SLC24A2: variants seen among roughly 807,000 people sequenced by gnomAD.
SLC24A2 encodes solute carrier family 24 member 2.
A neutral mutation model predicts 62.0 loss-of-function variants in SLC24A2; 36 were observed. That is an observed-to-expected ratio of 0.58 (90% CI 0.44 to 0.77). The LOEUF (loss-of-function observed/expected upper bound fraction) is 0.77. Among genes scored for constraint, SLC24A2 ranks in the 30% least tolerant of loss-of-function variants. SLC24A2 has a pLI of 0.00. For synonymous variants in SLC24A2, 358 were observed against 294.0 expected, an observed-to-expected ratio of 1.22 and a Z score of -2.23; for missense variants, 846 against 817.9, an observed-to-expected ratio of 1.03 and a Z score of -0.42.
upstream of SLC24A2, among the ~76,000 whole-genome samples, chr9:19,791,748 T>C (rs1200734930): frequency 2.0e-5 from 3 of 152,226 alleles, no homozygotes; most frequent in African/African-American, 7.2e-5. Flanking sequence ...GGAGAAAATT[T>C]ACTACCATCA....
the SLC24A2 span, among the ~76,000 whole-genome samples, chr9:19,985,497 TATTTC>T: frequency 1.3e-5 from 2 of 152,210 alleles, no homozygotes; most frequent in Admixed American, 6.5e-5. Context: ...TGTACTATAT[TATTTC>T]ATTTATATGA....
the SLC24A2 span, among the ~76,000 whole-genome samples, chr9:19,856,689 G>T: frequency 6.6e-6 from 1 of 152,130 alleles, no homozygotes; most frequent in Non-Finnish European, 1.5e-5. Context: ...TCCCAGAGGG[G>T]CACTGACCTG....
At chr9:19,740,656 T>C (rs1036678701) in intron 2 of SLC24A2, among the ~76,000 whole-genome samples, 1 of 152,160 alleles carries the variant, frequency 6.6e-6, no homozygotes, top group Non-Finnish European at 1.5e-5. Context: ...TGAAAATTCA[T>C]TGAGCTGTAA....
intron 8 of SLC24A2, among the ~76,000 whole-genome samples, chr9:19,543,590 C>T (rs532652852): frequency 2.6e-5 from 4 of 152,152 alleles, no homozygotes; most frequent in Non-Finnish European, 5.9e-5. Context: ...TTTCCCTCTA[C>T]ACAGTGCTTT....
chr9:20,246,031 C>G, the SLC24A2 span, among the ~76,000 whole-genome samples: 2 of 152,200 alleles, frequency 1.3e-5, no homozygotes, highest in African/African-American at 2.4e-5. Flanking sequence ...GTATACTGTT[C>G]ACAGAGAAGG....
At chr9:19,560,914 TATAG>T (rs1199172609) in intron 7 of SLC24A2, among the ~76,000 whole-genome samples, 367 of 106,424 alleles carry the variant, frequency 3.4e-3, no homozygotes, top group Admixed American at 7.7e-3. Flanking sequence ...TATATATATA[TATAG>T]AGAGAGAGAG....
At chr9:19,743,027 G>A (rs928850999) in intron 2 of SLC24A2, among the ~76,000 whole-genome samples, 2 of 152,102 alleles carry the variant, frequency 1.3e-5, no homozygotes, top group Non-Finnish European at 2.9e-5. Flanking sequence ...TTTCGATGAC[G>A]GGCTTAGGAA....
Position 19,786,124 on chromosome 9 carries a change from T to A in SLC24A2, c.743A>T (p.Asp248Val). 1 of 1,614,166 alleles carries A rather than the reference T, an allele frequency of 6.2e-7. No individual in the cohort carries two copies. The highest frequency in any genetic ancestry group is 1.1e-5 in the South Asian group (1 of 91,076). The change falls in exon 2 of 11, where the codon GAC becomes GTC. Residue 248 changes from aspartate to valine, a missense_variant. Transcript: ENST00000341998. The surrounding 1 kb of genome is among the most constrained non-coding windows in gnomAD (Gnocchi z 5.0). ...GAAAAATATGATCAGCATGATCAAG[T>A]CAACAATGTAGAAAGACACATCTCG... Reference protein sequence around the residue: ...LFRDVSFYIVDLIMLIIFFLD... With the variant: ...LFRDVSFYIVVLIMLIIFFLD...
chr9:19,550,186 A>T lies in SLC24A2; in HGVS notation c.1430T>A (p.Phe477Tyr), dbSNP rs577897150. The T allele has an allele frequency of 1.2e-6, 2 of 1,614,176 alleles. No individual in the cohort carries two copies. Among genetic ancestry groups the T allele is most frequent in the Non-Finnish European group, 1.7e-6 (2 of 1,179,990 alleles). The stretch of plus-strand genomic sequence containing the variant: ...AATCCAGAGAGGAAACACTATGGGG[A>T]AAACAATCAGAAACGTGACTTGCTT... ...TRKQVTFLIV[F>Y]PIVFPLWITL... Residue 477 changes from phenylalanine (F) to tyrosine (Y), a missense_variant, in exon 8 of 11, where the codon TTC becomes TAC. Transcript: ENST00000341998.
the SLC24A2 span, among the ~76,000 whole-genome samples, chr9:20,264,749 C>T: frequency 6.6e-6 from 1 of 152,166 alleles, no homozygotes; most frequent in African/African-American, 2.4e-5. Context: ...TTTCCTGACG[C>T]TAAACTTTTT....
chr9:19,627,323 G>C (rs1482865456), intron 2 of SLC24A2, among the ~76,000 whole-genome samples: 1 of 152,208 alleles, frequency 6.6e-6, no homozygotes, highest in African/African-American at 2.4e-5. Flanking sequence ...AAATATTTGA[G>C]ATAGTAGAAA....
the SLC24A2 span, among the ~76,000 whole-genome samples, chr9:19,961,306 C>A: frequency 6.6e-6 from 1 of 152,048 alleles, no homozygotes; most frequent in African/African-American, 2.4e-5. Context: ...AACTTGGCTG[C>A]AGCAAAGGAA....
chr9:20,290,008 G>C, the SLC24A2 span, among the ~76,000 whole-genome samples: 4 of 152,128 alleles, frequency 2.6e-5, no homozygotes, highest in Non-Finnish European at 5.9e-5. Context: ...CACTCCTTAA[G>C]GACTATTGCC....
the SLC24A2 span, among the ~76,000 whole-genome samples, chr9:20,047,285 C>T: frequency 6.6e-6 from 1 of 152,056 alleles, no homozygotes; most frequent in Non-Finnish European, 1.5e-5. Context: ...TTTGCTCAAT[C>T]TTTCTAAACT....
chr9:19,618,145 A>G (rs1817816933), intron 4 of SLC24A2, among the ~76,000 whole-genome samples: 4 of 152,208 alleles, frequency 2.6e-5, no homozygotes, highest in African/African-American at 7.2e-5. Flanking sequence ...ACTATAGATG[A>G]TGAAACCAAA....
At chr9:19,816,504 G>A in the SLC24A2 span, among the ~76,000 whole-genome samples, 3 of 151,988 alleles carry the variant, frequency 2.0e-5, no homozygotes, top group Admixed American at 6.6e-5. Context: ...ATTTTTGGTG[G>A]TAGCTACCTG....
chr9:19,563,554 TCAGAGCTAA>T (rs1182817962), intron 7 of SLC24A2, among the ~76,000 whole-genome samples: 3 of 152,258 alleles, frequency 2.0e-5, no homozygotes, highest in South Asian at 2.1e-4. Context: ...GAAATCCCTA[TCAGAGCTAA>T]CATTTTTTGA....
At chr9:20,028,573 T>TGGG in the SLC24A2 span, among the ~76,000 whole-genome samples, 1 of 152,272 alleles carries the variant, frequency 6.6e-6, no homozygotes, top group Admixed American at 6.5e-5. Flanking sequence ...AGGACCCAAA[T>TGGG]GGCTCCCCAC....
the SLC24A2 span, among the ~76,000 whole-genome samples, chr9:19,820,039 A>ATATATGTG: frequency 9.7e-5 from 2 of 20,670 alleles, no homozygotes; most frequent in South Asian, 2.9e-3. Context: ...ATATATATAT[A>ATATATGTG]TACATATATA....
Sources: gnomAD v4.1 joint callset for allele counts (sites outside exome capture counted in the v4.1 genomes callset) on GRCh38, gnomAD v4.1.1 for gene constraint, Gnocchi (gnomAD v3.1) non-coding constraint, MANE v1.5 for transcripts, NCBI Gene and HGNC (gene_info 2026-07-23, HGNC 2026-07-21) for gene names.